ARHGEF7: variants seen among roughly 807,000 people sequenced by gnomAD.
ARHGEF7 encodes Rho guanine nucleotide exchange factor 7, also known as PAK-interacting exchange factor beta.
ARHGEF7 carries 33 observed loss-of-function variants against 109.8 expected under a neutral mutation model. The ratio of observed to expected loss-of-function variants is 0.30; its 90% CI spans 0.23 to 0.40. The LOEUF is 0.40. ARHGEF7 is among the 10% of genes least tolerant of loss of function. The pLI, the probability that ARHGEF7 is intolerant of heterozygous loss-of-function variation, is 1.00. For synonymous variants in ARHGEF7, 458 were observed against 424.6 expected (o/e 1.08, Z -0.97); for missense variants, 938 against 1,098.5 (o/e 0.85, Z 2.07).
chr13:111,133,605 T>A (rs1389758700), intron 1 of ARHGEF7, among the ~76,000 whole-genome samples: 1 of 150,940 alleles, frequency 6.6e-6, no homozygotes, highest in Non-Finnish European at 1.5e-5. Context: ...GTAAGATGGT[T>A]CTTCCATCTT....
chr13:111,176,504 T>C (rs2078175464), intron 2 of ARHGEF7, among the ~76,000 whole-genome samples: 1 of 152,188 alleles, frequency 6.6e-6, no homozygotes, highest in South Asian at 2.1e-4. Context: ...CACTCTCTCC[T>C]TTCTCTTCAC....
chr13:111,128,161 G>A (rs997897271), intron 1 of ARHGEF7, among the ~76,000 whole-genome samples: 11 of 152,286 alleles, frequency 7.2e-5, no homozygotes, highest in African/African-American at 2.6e-4. Context: ...AGACAGGGGT[G>A]TTCACTCTTA....
chr13:111,294,530 T>G (rs2093381858), intron 19 of ARHGEF7: 1 of 985,362 alleles, frequency 1.0e-6, no homozygotes, highest in Non-Finnish European at 1.2e-6. Context: ...TGATGATGCT[T>G]TTTCTTGATG....
At chr13:111,174,062 G>A (rs1262751779) in intron 2 of ARHGEF7, among the ~76,000 whole-genome samples, 4 of 152,080 alleles carry the variant, frequency 2.6e-5, no homozygotes, top group African/African-American at 9.7e-5. Flanking sequence ...TGTACTATTC[G>A]GATAAGATTA....
chr13:111,294,542 T>C lies in ARHGEF7; in HGVS notation c.2311+2248T>C, dbSNP rs1296257526. 5 of 985,388 alleles carry C rather than the reference T, an allele frequency of 5.1e-6. No homozygotes were observed. The African/African-American group carries it at 8.7e-5, about 17-fold the overall frequency. The allele number at this position is 985,388 out of a possible 1,614,324, so 61.0% of individuals were successfully genotyped here. Reference sequence around the variant, plus strand: ...TTTTGATGATGCTTTTTCTTGATGCTAAGATCACTGCAGAAGAATAACCTG... The same window carrying C: ...TTTTGATGATGCTTTTTCTTGATGCCAAGATCACTGCAGAAGAATAACCTG... On this transcript the variant is annotated intron_variant, in intron 19 of 21. Transcript: ENST00000646102.
At chr13:111,186,842 C>T (rs1273927277) in intron 2 of ARHGEF7, 25 of 985,300 alleles carry the variant, frequency 2.5e-5, no homozygotes, top group Non-Finnish European at 2.9e-5. Context: ...GAGGCCTCTC[C>T]GTCAGTATTG....
intron 2 of ARHGEF7, among the ~76,000 whole-genome samples, chr13:111,175,429 G>A (rs576136917): frequency 6.6e-6 from 1 of 152,340 alleles, no homozygotes; most frequent in East Asian, 1.9e-4. Flanking sequence ...CCTCTCTGGG[G>A]GCCCTCTCAG....
chr13:111,172,242 T>C (rs2077669982), intron 2 of ARHGEF7, among the ~76,000 whole-genome samples: 1 of 152,336 alleles, frequency 6.6e-6, no homozygotes, highest in African/African-American at 2.4e-5. Flanking sequence ...TAGGGGCCTT[T>C]AGAGCATAGT....
intron 3 of ARHGEF7, among the ~76,000 whole-genome samples, chr13:111,209,568 T>C (rs1172611015): frequency 1.3e-5 from 2 of 152,240 alleles, no homozygotes; most frequent in African/African-American, 2.4e-5. Flanking sequence ...GAGGCTTTTT[T>C]TTCCAGGTGA....
chr13:111,252,197 G>C (rs1046299912), intron 8 of ARHGEF7, among the ~76,000 whole-genome samples: 2 of 152,224 alleles, frequency 1.3e-5, no homozygotes, highest in Admixed American at 6.5e-5. Flanking sequence ...GAATAGGACA[G>C]AGTGAAAAAC....
intron 6 of ARHGEF7, chr13:111,241,004 A>T (rs1422415045): frequency 1.4e-6 from 1 of 730,150 alleles, no homozygotes. Flanking sequence ...GATGCAACGA[A>T]TAAAGTGTCT....
chr13:111,176,613 T>C (rs2078187207), intron 2 of ARHGEF7, among the ~76,000 whole-genome samples: 1 of 152,222 alleles, frequency 6.6e-6, no homozygotes, highest in Non-Finnish European at 1.5e-5. Flanking sequence ...GGTAGGGTCA[T>C]GTCCAGGAGT....
At chr13:111,230,925 T>C (rs912228463) in intron 5 of ARHGEF7, among the ~76,000 whole-genome samples, 9 of 152,334 alleles carry the variant, frequency 5.9e-5, no homozygotes, top group South Asian at 2.1e-4. Context: ...CTTTTTCTTT[T>C]GAAAACTTTT....
At chr13:111,158,283 TGAAAG>T (rs1453658552) in intron 2 of ARHGEF7, among the ~76,000 whole-genome samples, 3 of 152,176 alleles carry the variant, frequency 2.0e-5, no homozygotes, top group Non-Finnish European at 4.4e-5. Context: ...CATCACTACT[TGAAAG>T]GAAAACAAAA....
chr13:111,221,207 ATATATATGTC>A (rs2083858052), intron 5 of ARHGEF7, among the ~76,000 whole-genome samples: 1 of 66,848 alleles, frequency 1.5e-5, no homozygotes, highest in Non-Finnish European at 2.9e-5. Context: ...ATCTATATAG[ATATATATGTC>A]TATATATATC....
chr13:111,233,124 T>C (rs1288712056), intron 5 of ARHGEF7, 81 bp from the exon 6 acceptor site: 3 of 1,158,792 alleles, frequency 2.6e-6, no homozygotes, highest in Non-Finnish European at 3.9e-6. Flanking sequence ...GCTGGATGAG[T>C]ATCCTTGGCC....
chr13:111,276,572 T>C (rs1161981951), intron 12 of ARHGEF7, among the ~76,000 whole-genome samples: 3 of 152,164 alleles, frequency 2.0e-5, no homozygotes, highest in Non-Finnish European at 4.4e-5. Context: ...ACAGCACTGG[T>C]GGGTGTTACT....
At chr13:111,171,294 G>A (rs2077574414) in intron 2 of ARHGEF7, among the ~76,000 whole-genome samples, 1 of 152,166 alleles carries the variant, frequency 6.6e-6, no homozygotes, top group African/African-American at 2.4e-5. Context: ...AAAGATTTGA[G>A]GTATTTGGGT....
At chr13:111,180,161 A>C (rs888937352) in intron 2 of ARHGEF7, among the ~76,000 whole-genome samples, 1 of 152,180 alleles carries the variant, frequency 6.6e-6, no homozygotes, top group Non-Finnish European at 1.5e-5. Context: ...GGTGGTGGGC[A>C]TCTAAGCCCG....
Sources: gnomAD v4.1 joint callset for allele counts (sites outside exome capture counted in the v4.1 genomes callset) on GRCh38, gnomAD v4.1.1 for gene constraint, MANE v1.5 for transcripts, NCBI Gene and HGNC (gene_info 2026-07-23, HGNC 2026-07-21) for gene names.